The following KCNMB2 variants were observed in gnomAD, a reference collection of about 807,000 sequenced individuals.
KCNMB2 encodes calcium-activated potassium channel subunit beta-2.
KCNMB2 carries 9 observed loss-of-function variants against 24.5 expected under a neutral mutation model. That is an observed-to-expected ratio of 0.37 (90% CI 0.22 to 0.64). The LOEUF is 0.64. Among genes scored for constraint, KCNMB2 ranks in the 30% least tolerant of loss-of-function variants. The pLI is 0.63. For synonymous variants in KCNMB2, 109 were observed against 104.4 expected (o/e 1.04, Z -0.27); for missense variants, 226 against 284.3 (o/e 0.79, Z 1.47).
At chr3:178,755,443 A>G (rs1300444088) in intron 1 of KCNMB2, among the ~76,000 whole-genome samples, 2 of 152,338 alleles carry the variant, frequency 1.3e-5, no homozygotes, top group Middle Eastern at 6.8e-3. Flanking sequence ...AGAGTAGGAA[A>G]ATGTATTTTA....
At chr3:178,635,512 T>C (rs1034050594) in intron 1 of KCNMB2, among the ~76,000 whole-genome samples, 1 of 152,092 alleles carries the variant, frequency 6.6e-6, no homozygotes, top group Non-Finnish European at 1.5e-5. Context: ...ACTTTAGATG[T>C]AGCTGTAGTG....
intron 1 of KCNMB2, among the ~76,000 whole-genome samples, chr3:178,661,445 A>AT (rs372898986): frequency 1.1e-4 from 16 of 151,876 alleles, no homozygotes; most frequent in South Asian, 2.1e-4. Context: ...TGCAATAAAC[A>AT]TTTTTTTTAA....
intron 1 of KCNMB2, among the ~76,000 whole-genome samples, chr3:178,688,421 C>A (rs554694209): frequency 2.0e-5 from 3 of 152,042 alleles, no homozygotes; most frequent in African/African-American, 4.8e-5. Context: ...TAAATAACTA[C>A]CTTTTTAATT....
At chr3:178,630,416 G>T (rs554200527) in intron 1 of KCNMB2, among the ~76,000 whole-genome samples, 1 of 152,306 alleles carries the variant, frequency 6.6e-6, no homozygotes, top group African/African-American at 2.4e-5. Context: ...AAGAATTTTG[G>T]AACCATCACT....
chr3:178,769,195 T>G (rs1404371416), intron 1 of KCNMB2, among the ~76,000 whole-genome samples: 1 of 152,262 alleles, frequency 6.6e-6, no homozygotes, highest in Non-Finnish European at 1.5e-5. Context: ...TTGAATTCAC[T>G]GGAACCATTT....
chr3:178,656,919 G>T (rs1342069895), intron 1 of KCNMB2, among the ~76,000 whole-genome samples: 1 of 152,074 alleles, frequency 6.6e-6, no homozygotes, highest in East Asian at 1.9e-4. Flanking sequence ...ACAAGTAGGA[G>T]CAGCTGAAGT....
At chr3:178,673,142 C>T (rs1163224020) in intron 1 of KCNMB2, among the ~76,000 whole-genome samples, 3 of 152,088 alleles carry the variant, frequency 2.0e-5, no homozygotes, top group Admixed American at 6.6e-5. Flanking sequence ...TCTCTTGCCC[C>T]TCTTATACTT....
At chr3:178,624,391 A>T (rs1479691132) in intron 1 of KCNMB2, among the ~76,000 whole-genome samples, 1 of 152,056 alleles carries the variant, frequency 6.6e-6, no homozygotes, top group Non-Finnish European at 1.5e-5. Context: ...CTGTACTAAG[A>T]TGTCTATACT....
chr3:178,820,851 TTGAA>T (rs1193504284), intron 2 of KCNMB2: 9 of 152,252 alleles, frequency 5.9e-5, no homozygotes, highest in Non-Finnish European at 1.3e-4. Context: ...TCCAAAGGCT[TTGAA>T]CAGAATGTTC....
At position 178,732,946 on chromosome 3, in the gene KCNMB2, TG is replaced by T. The variant is rs1309670331; in HGVS notation, c.-67-74394del. 9.9e-5 allele frequency among the ~76,000 whole-genome samples: 15 copies of T among 152,204 alleles called. No individual in the cohort carries two copies. In the East Asian group the frequency reaches 2.9e-3, roughly 29 times the overall value. On this transcript the variant is annotated intron_variant, in intron 1 of 4. Coordinates refer to ENST00000452583, the MANE Select transcript of KCNMB2 (RefSeq NM_181361.3). ...CTCTGGGATTCACTTTAAAATAATC[TG>T]GGATGAGGAGCAGTGATGGGGGATA...
chr3:178,760,420 A>G (rs573508680), intron 1 of KCNMB2, among the ~76,000 whole-genome samples: 3 of 141,496 alleles, frequency 2.1e-5, no homozygotes, highest in Non-Finnish European at 3.0e-5. Context: ...TATTATATAT[A>G]TATCCATATC....
intron 1 of KCNMB2, among the ~76,000 whole-genome samples, chr3:178,643,750 G>A (rs1030061359): frequency 6.6e-5 from 10 of 152,152 alleles, no homozygotes; most frequent in African/African-American, 2.4e-4. Context: ...GACTCGCCCT[G>A]TTGTTTCTAG....
chr3:178,576,249 G>A (rs1015836304), intron 1 of KCNMB2, among the ~76,000 whole-genome samples: 1 of 151,976 alleles, frequency 6.6e-6, no homozygotes, highest in Non-Finnish European at 1.5e-5. Flanking sequence ...AGAGGCTGGG[G>A]AACTCCCTCC....
At chr3:178,614,349 A>G (rs868680778) in intron 1 of KCNMB2, among the ~76,000 whole-genome samples, 11 of 125,036 alleles carry the variant, frequency 8.8e-5, no homozygotes, top group Middle Eastern at 9.2e-3. Flanking sequence ...ATATATATGT[A>G]TATATATATG....
At chr3:178,736,201 T>C (rs1723311740) in intron 1 of KCNMB2, among the ~76,000 whole-genome samples, 1 of 152,148 alleles carries the variant, frequency 6.6e-6, no homozygotes, top group Admixed American at 6.5e-5. Flanking sequence ...AATATGGCAA[T>C]AAGAAAACTT....
intron 1 of KCNMB2, among the ~76,000 whole-genome samples, chr3:178,625,636 G>A (rs1305821827): frequency 6.6e-6 from 1 of 152,162 alleles, no homozygotes; most frequent in Admixed American, 6.5e-5. Context: ...TGGAAAATAG[G>A]GAAGAAAAGA....
intron 1 of KCNMB2, among the ~76,000 whole-genome samples, chr3:178,553,432 A>G (rs1324473384): frequency 6.6e-6 from 1 of 152,176 alleles, no homozygotes; most frequent in African/African-American, 2.4e-5. Flanking sequence ...AAACCACTCA[A>G]ATGCAAGAAA....
chr3:178,655,095 C>CTCT (rs1720276228), intron 1 of KCNMB2, among the ~76,000 whole-genome samples: 27 of 111,138 alleles, frequency 2.4e-4, no homozygotes, highest in African/African-American at 5.6e-4. Flanking sequence ...ATTAGCTCTC[C>CTCT]CTCTCTCTCT....
chr3:178,814,999 G>GT (rs754722320), intron 2 of KCNMB2, among the ~76,000 whole-genome samples: 67 of 150,416 alleles, frequency 4.5e-4, no homozygotes, highest in Non-Finnish European at 8.0e-4. Context: ...TCAATTTTTG[G>GT]TTTTGTTCCA....
Sources: gnomAD v4.1 joint callset for allele counts (sites outside exome capture counted in the v4.1 genomes callset) on GRCh38, gnomAD v4.1.1 for gene constraint, MANE v1.5 for transcripts, NCBI Gene and HGNC (gene_info 2026-07-23, HGNC 2026-07-21) for gene names.